LYPD8: variants seen among roughly 807,000 people sequenced by gnomAD.
LYPD8 encodes ly6/PLAUR domain-containing protein 8.
A neutral mutation model predicts 1.7 loss-of-function variants in LYPD8; 8 were observed. That is an observed-to-expected ratio of 4.58 (90% CI 2.69 to 8.27). The LOEUF (loss-of-function observed/expected upper bound fraction) is 8.27. Among genes scored for constraint, LYPD8 ranks in the 30% most tolerant of loss-of-function variants. LYPD8 has a pLI of 0.00. For missense variants in LYPD8, 112 were observed against 102.3 expected (o/e 1.09, Z -0.41); for synonymous variants, 50 against 43.6 (o/e 1.15, Z -0.58).
chr1:248,752,129 T>TA (rs1364602054), intron 2 of LYPD8, among the ~76,000 whole-genome samples: 1 of 152,052 alleles, frequency 6.6e-6, no homozygotes, highest in Admixed American at 6.5e-5. Flanking sequence ...CGAGGGTAGA[T>TA]AAAATGAAAC....
intron 3 of LYPD8, 66 bp downstream of exon 3, chr1:248,750,964 A>C (rs1034607741): frequency 2.5e-6 from 1 of 398,680 alleles, no homozygotes; most frequent in Non-Finnish European, 4.4e-6. Context: ...TTTGAGAGCA[A>C]GAAGACACTG....
At chr1:248,752,795 C>CCA (rs1321616638) in intron 2 of LYPD8, among the ~76,000 whole-genome samples, 1 of 93,098 alleles carries the variant, frequency 1.1e-5, no homozygotes, top group Non-Finnish European at 2.1e-5. Flanking sequence ...CACACACACA[C>CCA]CACACCCCAC....
At chr1:248,750,806 C>T (rs1662788131) in intron 3 of LYPD8, among the ~76,000 whole-genome samples, 163 bp from the exon 4 acceptor site, 1 of 152,146 alleles carries the variant, frequency 6.6e-6, no homozygotes, top group South Asian at 2.1e-4. Context: ...GATGAGCCAC[C>T]CTAATTAGTT....
chr1:248,752,819 C>G, intron 2 of LYPD8, among the ~76,000 whole-genome samples: 1 of 112,594 alleles, frequency 8.9e-6, no homozygotes, highest in Non-Finnish European at 1.8e-5. Flanking sequence ...ACACACACAT[C>G]ACATCACACA....
intron 2 of LYPD8, among the ~76,000 whole-genome samples, chr1:248,753,779 CA>C (rs1330518201): frequency 2.7e-5 from 4 of 149,674 alleles, no homozygotes; most frequent in Non-Finnish European, 3.0e-5. Context: ...ACACACACAC[CA>C]CACATCACAT....
At chr1:248,753,865 A>C (rs1358312593) in intron 2 of LYPD8, among the ~76,000 whole-genome samples, 14,385 of 148,834 alleles carry the variant, frequency 0.097, 948 homozygotes, top group East Asian at 0.24. Flanking sequence ...CACATACACC[A>C]CACACCCCAT....
chr1:248,739,979 A>G lies in LYPD8; in HGVS notation c.476-130T>C, dbSNP rs1553283131. ...AAGAGCTGGTGTGCTCCTGAAGCCCAGGCAGGAAGAAGGAGCCTGCGTGTT... is the reference window on the plus strand; with the variant it reads ...AAGAGCTGGTGTGCTCCTGAAGCCCGGGCAGGAAGAAGGAGCCTGCGTGTT... On this transcript the variant is annotated intron_variant, in intron 6 of 6. Coordinates refer to ENST00000590317, the MANE Select transcript of LYPD8 (RefSeq NM_001085474.2). The surrounding 1 kb of genome is among the most constrained non-coding windows in gnomAD (Gnocchi z 4.3). 70 of 1,224,872 alleles carry G rather than the reference A, an allele frequency of 5.7e-5. 2 individuals carry two copies. In the South Asian group the frequency reaches 9.9e-4, roughly 17 times the overall value. 75.9% of individuals were successfully genotyped at this position (1,224,872 alleles called of 1,614,324 possible).
In LYPD8 at chr1:248,739,493, C is replaced by A; in HGVS notation, c.*118G>T. On this transcript the variant is annotated 3_prime_UTR_variant, in exon 7 of 7. Transcript: ENST00000590317. This position sits in a 1 kb window ranked among gnomAD's most constrained non-coding sequence, Gnocchi z 4.3. Reference sequence around the variant, plus strand: ...GCATTGCCTGGAGACCTGTGACTCCCACTTACTGGGCAGTTAAACGGGGCA... The same window carrying A: ...GCATTGCCTGGAGACCTGTGACTCCAACTTACTGGGCAGTTAAACGGGGCA... 1.4e-6 allele frequency: 2 copies of A among 1,398,388 alleles called. No homozygotes were observed. Among genetic ancestry groups the A allele is most frequent in the Non-Finnish European group, 1.9e-6 (2 of 1,035,810 alleles). 86.6% of individuals were successfully genotyped at this position (1,398,388 alleles called of 1,614,324 possible).
chr1:248,746,623 C>T (rs1323662975), intron 5 of LYPD8, among the ~76,000 whole-genome samples: 7 of 130,824 alleles, frequency 5.4e-5, no homozygotes, highest in Admixed American at 1.6e-4. Context: ...ATCCCCCGCA[C>T]GGCCAGCACC....
chr1:248,754,327 A>G (rs1024125168), intron 2 of LYPD8, among the ~76,000 whole-genome samples: 3 of 150,424 alleles, frequency 2.0e-5, no homozygotes, highest in Admixed American at 2.0e-4. Flanking sequence ...TGCAAATCAC[A>G]TCACAGACAC....
At chr1:248,750,810 AT>A in intron 3 of LYPD8, among the ~76,000 whole-genome samples, 167 bp from the exon 4 acceptor site, 1 of 152,246 alleles carries the variant, frequency 6.6e-6, no homozygotes, top group East Asian at 1.9e-4. Flanking sequence ...AGCCACCCTA[AT>A]TAGTTTCTCC....
chr1:248,752,750 C>CA (rs1662826713), intron 2 of LYPD8, among the ~76,000 whole-genome samples: 1 of 118,796 alleles, frequency 8.4e-6, no homozygotes, highest in African/African-American at 3.1e-5. Context: ...ACACCACACA[C>CA]CCCACACACA....
At chr1:248,753,087 ACTACACACACAC>A (rs1662848160) in intron 2 of LYPD8, among the ~76,000 whole-genome samples, 16 of 113,342 alleles carry the variant, frequency 1.4e-4, no homozygotes, top group African/African-American at 5.9e-4. Flanking sequence ...CCCACACCAC[ACTACACACACAC>A]CACACACCAC....
At chr1:248,750,286 G>C (rs1238833414) in intron 4 of LYPD8, among the ~76,000 whole-genome samples, 10 of 57,272 alleles carry the variant, frequency 1.7e-4, no homozygotes, top group African/African-American at 4.2e-4. Flanking sequence ...AAGCTTTGAG[G>C]TCACGGGCAT....
intron 6 of LYPD8, 49 bp downstream of exon 6, chr1:248,745,093 C>T: frequency 2.5e-6 from 1 of 398,016 alleles, no homozygotes; most frequent in Non-Finnish European, 4.4e-6. Context: ...CAAGACTTGA[C>T]ATGTTTCCAG....
chr1:248,754,254 TAA>T (rs1662888859), intron 2 of LYPD8, among the ~76,000 whole-genome samples: 2 of 144,876 alleles, frequency 1.4e-5, no homozygotes, highest in South Asian at 4.4e-4. Flanking sequence ...ACCCCACACA[TAA>T]GTCACACACA....
intron 5 of LYPD8, among the ~76,000 whole-genome samples, chr1:248,746,488 GA>G (rs1321100606): frequency 1.3e-5 from 2 of 152,242 alleles, no homozygotes; most frequent in African/African-American, 4.8e-5. Context: ...CCACCCAAGG[GA>G]AAGGAGAATG....
chr1:248,752,792 ACAC>A (rs1302924420), intron 2 of LYPD8, among the ~76,000 whole-genome samples: 1 of 95,342 alleles, frequency 1.0e-5, no homozygotes, highest in African/African-American at 4.8e-5. Context: ...CACCACACAC[ACAC>A]CACACCCCAC....
chr1:248,752,652 ACACACACCACACACAC>A (rs1662822167), intron 2 of LYPD8, among the ~76,000 whole-genome samples: 1 of 21,728 alleles, frequency 4.6e-5, no homozygotes, highest in African/African-American at 1.2e-4. Context: ...ACAACACACA[ACACACACCACACACAC>A]CACACCACAC....
Sources: gnomAD v4.1 joint callset for allele counts (sites outside exome capture counted in the v4.1 genomes callset) on GRCh38, gnomAD v4.1.1 for gene constraint, Gnocchi (gnomAD v3.1) non-coding constraint, MANE v1.5 for transcripts, NCBI Gene and HGNC (gene_info 2026-07-23, HGNC 2026-07-21) for gene names.